HDGF: variants seen among roughly 807,000 people sequenced by gnomAD.
HDGF encodes hepatoma-derived growth factor.
HDGF carries 5 observed loss-of-function variants against 30.0 expected under a neutral mutation model. The observed-to-expected ratio is 0.17, with a 90% CI of 0.09 to 0.35. HDGF has a LOEUF of 0.35. Among genes scored for constraint, HDGF ranks in the 10% least tolerant of loss-of-function variants. The probability of loss-of-function intolerance (pLI) is 1.00; values close to 1 mark genes in which losing one functional copy is unlikely to be tolerated. For missense variants in HDGF, 214 were observed against 302.8 expected, an observed-to-expected ratio of 0.71 and a Z score of 2.18; for synonymous variants, 133 against 112.7, an observed-to-expected ratio of 1.18 and a Z score of -1.14.
At position 156,743,678 on chromosome 1, in the gene HDGF, C is replaced by T. The variant is rs752336283; in HGVS notation, c.690G>A (p.Glu230=). ...EEEEATKEDA[E]APGIRDHESL ...TCTCATGATCTCTGATGCCTGGGGC[C>T]TCAGCATCTTCCTTGGTAGCCTCTT... Residue 230 remains glutamate (E), a synonymous_variant, in exon 5 of 6, where the codon GAG becomes GAA. Transcript: ENST00000357325. The T allele has an allele frequency of 3.1e-6, 5 of 1,611,870 alleles. No homozygotes were observed. Among genetic ancestry groups the T allele is most frequent in the Admixed American group, 3.3e-5 (2 of 59,762 alleles).
At chr1:156,767,256 C>G (rs1345300136), upstream of HDGF, among the ~76,000 whole-genome samples, 10 of 152,156 alleles carry the variant, frequency 6.6e-5, no homozygotes, top group Non-Finnish European at 5.9e-5. Context: ...AAATGCTCTC[C>G]TGTCCGTCTC....
intron 2 of HDGF, among the ~76,000 whole-genome samples, chr1:156,758,630 T>C (rs1280283022): frequency 1.4e-5 from 2 of 145,298 alleles, no homozygotes; most frequent in Non-Finnish European, 3.0e-5. Context: ...TAAAAAAAAT[T>C]AGCCGGGTGT....
intron 1 of HDGF, among the ~76,000 whole-genome samples, chr1:156,750,266 G>C (rs1003132173): frequency 2.6e-5 from 4 of 152,138 alleles, no homozygotes; most frequent in Non-Finnish European, 2.9e-5. Flanking sequence ...CTAGGATACT[G>C]AGTCATGCCC....
chr1:156,746,766 A>T (rs1447826495), intron 1 of HDGF, among the ~76,000 whole-genome samples: 1 of 152,202 alleles, frequency 6.6e-6, no homozygotes, highest in African/African-American at 2.4e-5. Context: ...CAGCAGCCCC[A>T]GCAGCCAGGC....
In HDGF at chr1:156,743,400, C is replaced by T; in HGVS notation, c.*49G>A. ...CCATGGCCAGTTTCCCCAGTAGCAC[C>T]CAGACAGCAGCAGGAACAGGGTGGG... On this transcript the variant is annotated 3_prime_UTR_variant, in exon 6 of 6. Transcript: ENST00000357325. 1 of 1,510,234 alleles carries T rather than the reference C, an allele frequency of 6.6e-7. No homozygotes were observed. Among genetic ancestry groups the T allele is most frequent in the Non-Finnish European group, 8.8e-7 (1 of 1,132,690 alleles). The allele number at this position is 1,510,234 out of a possible 1,614,324, so 93.6% of individuals were successfully genotyped here. A position where few individuals can be genotyped will look rare whatever the true frequency, so the allele number is the denominator to read the frequency against.
upstream of HDGF, chr1:156,752,342 A>G: frequency 1.3e-6 from 2 of 1,551,678 alleles, no homozygotes; most frequent in Non-Finnish European, 1.7e-6. Context: ...TGAGGCACAA[A>G]TTGGCCACCT....
chr1:156,751,689 C>T (rs1236971868), upstream of HDGF: 3 of 1,153,404 alleles, frequency 2.6e-6, no homozygotes, highest in Non-Finnish European at 2.1e-6. This position sits in a 1 kb window ranked among gnomAD's most constrained non-coding sequence, Gnocchi z 4.7. Context: ...TTCAATTGCT[C>T]CCTCCTCTGC....
chr1:156,746,311 G>A (rs953215421), intron 1 of HDGF, among the ~76,000 whole-genome samples: 2 of 152,194 alleles, frequency 1.3e-5, no homozygotes, highest in African/African-American at 4.8e-5. Context: ...GCATACAGTA[G>A]GTATATAATT....
intron 5 of HDGF, 62 bp downstream of exon 5, chr1:156,743,590 C>T (rs1650277615): frequency 1.3e-6 from 2 of 1,559,872 alleles, no homozygotes; most frequent in Admixed American, 3.3e-5. Context: ...TTTTCATCCT[C>T]TTCTCCGAGA....
chr1:156,750,253 A>G (rs544147738), intron 1 of HDGF, among the ~76,000 whole-genome samples: 3 of 152,000 alleles, frequency 2.0e-5, no homozygotes, highest in South Asian at 4.2e-4. Flanking sequence ...GGAGTCCTAC[A>G]CTCTAGGATA....
At chr1:156,766,615 T>C (rs1651385853) in intron 1 of HDGF, among the ~76,000 whole-genome samples, 1 of 152,088 alleles carries the variant, frequency 6.6e-6, no homozygotes, top group African/African-American at 2.4e-5. Flanking sequence ...CAGAGACAGA[T>C]GTAAGAAAGT....
At chr1:156,767,190 A>G (rs530754857), upstream of HDGF, among the ~76,000 whole-genome samples, 3 of 152,216 alleles carry the variant, frequency 2.0e-5, no homozygotes, top group African/African-American at 4.8e-5. Flanking sequence ...TAAGAGCATC[A>G]TATCTCCCAG....
intron 2 of HDGF, among the ~76,000 whole-genome samples, chr1:156,758,616 T>TAAAAAAAAATAAAC (rs1299539819): frequency 7.8e-6 from 1 of 127,934 alleles, no homozygotes; most frequent in Non-Finnish European, 1.6e-5. Flanking sequence ...AATAAATAAA[T>TAAAAAAAAATAAAC]AAATAAAAAA....
intron 1 of HDGF, among the ~76,000 whole-genome samples, chr1:156,745,662 C>A (rs1204791661): frequency 2.6e-5 from 4 of 152,214 alleles, no homozygotes; most frequent in Non-Finnish European, 5.9e-5. Context: ...TTGCCATCAC[C>A]TTCTCCATTC....
At chr1:156,753,980 A>G (rs1371954699), upstream of HDGF, among the ~76,000 whole-genome samples, 5 of 151,294 alleles carry the variant, frequency 3.3e-5, no homozygotes, top group Admixed American at 1.3e-4. Flanking sequence ...CAATGGTGCA[A>G]TCTCGGCTCA....
At chr1:156,759,198 T>C (rs1021979792) in exon 2 of HDGF, 6 of 152,176 alleles carry the variant, frequency 3.9e-5, no homozygotes, top group African/African-American at 1.4e-4. Context: ...TTTGTGTAGG[T>C]AGTACATGCC....
At chr1:156,760,190 A>G (rs1161475753) in intron 1 of HDGF, among the ~76,000 whole-genome samples, 1 of 152,212 alleles carries the variant, frequency 6.6e-6, no homozygotes, top group Non-Finnish European at 1.5e-5. Context: ...TGGAGATTAA[A>G]GTAATGTAAT....
In HDGF at chr1:156,764,886, C is replaced by CAA. The variant is rs555336967; in HGVS notation, n.136+1902_136+1903dup. Among the ~76,000 whole-genome samples, 15 of 118,276 alleles carry CAA rather than the reference C, an allele frequency of 1.3e-4. No homozygotes were observed. In the East Asian group the frequency reaches 3.1e-3, roughly 25 times the overall value. 77.6% of individuals were successfully genotyped at this position (118,276 alleles called of 152,430 possible). A position where few individuals can be genotyped will look rare whatever the true frequency, so the allele number is the denominator to read the frequency against. On this transcript the variant is annotated intron_variant and non_coding_transcript_variant, in intron 1 of 7. Transcript: ENST00000465180. ...GGGCGACAGTACAAGACTCTATCTC[C>CAA]AAAAAAAAAAAAAAAGAAGAAGAAA... is the stretch of plus-strand genomic sequence containing the variant.
At position 156,743,467 on chromosome 1, in the gene HDGF, G is replaced by A; in HGVS notation, c.717-12C>T. 6.5e-7 allele frequency: 1 copy of A among 1,527,662 alleles called. No homozygotes were observed. Among genetic ancestry groups the A allele is most frequent in the East Asian group, 2.3e-5 (1 of 42,950 alleles). The allele number at this position is 1,527,662 out of a possible 1,614,324, so 94.6% of individuals were successfully genotyped here. The stretch of plus-strand genomic sequence containing the variant: ...TTGGTGGCTACAGGCTGTGAGGGAG[G>A]GTTGGAGGGGAGAAGGGTTAATGGT... On this transcript the variant is annotated splice_polypyrimidine_tract_variant and intron_variant, in intron 5 of 5. Transcript: ENST00000357325.
Sources: allele counts gnomAD v4.1 joint callset (sites outside exome capture counted in the v4.1 genomes callset), GRCh38; gene constraint gnomAD v4.1.1; non-coding constraint Gnocchi (gnomAD v3.1); transcripts MANE v1.5; gene names NCBI Gene and HGNC (gene_info 2026-07-23, HGNC 2026-07-21).